Variants in C12orf60 observed in about 807,000 individuals in gnomAD.
The protein encoded by C12orf60 is chromosome 12 open reading frame 60.
For synonymous variants in C12orf60, 102 were observed against 94.6 expected (o/e 1.08, Z -0.45); for missense variants, 284 against 283.2 (o/e 1.00, Z -0.02).
In C12orf60 at chr12:14,823,318, A is replaced by G; in HGVS notation, c.383A>G (p.Asn128Ser). ...AHTPVIISVL[N>S]SSNILGSLES... ...ACGCCAGTCATCATCTCTGTGCTAA[A>G]CAGCAGTAACATCCTTGGGAGTCTG... Residue 128 changes from asparagine (N) to serine (S), a missense_variant, in exon 2 of 2, where the codon AAC (asparagine) becomes AGC (serine). Physicochemically the swap from Asn to Ser is conservative, Grantham distance 46. Transcript: ENST00000330828. 2.5e-6 allele frequency: 4 copies of G among 1,614,140 alleles called. No homozygotes were observed. Among genetic ancestry groups the G allele is most frequent in the Non-Finnish European group, 1.7e-6 (2 of 1,180,022 alleles).
chr12:14,822,824 A>T (rs555865814), intron 1 of C12orf60, 88 bp from the exon 2 acceptor site: 261 of 1,151,092 alleles, frequency 2.3e-4, no homozygotes, highest in Non-Finnish European at 2.5e-4. Flanking sequence ...AGGGGGAGTT[A>T]TCTTCATATT....
intron 1 of C12orf60, chr12:14,805,829 G>T (rs941050122): frequency 2.8e-6 from 2 of 702,886 alleles, no homozygotes; most frequent in African/African-American, 3.6e-5. Flanking sequence ...AGGCATTGTT[G>T]ACTCAAAACT....
In C12orf60 at chr12:14,823,350, T is replaced by C; in HGVS notation, c.415T>C (p.Ser139Pro). Residue 139 changes from serine to proline, a missense_variant, in exon 2 of 2, where the codon TCT (serine) becomes CCT (proline). By Grantham distance (74) the Ser-to-Pro change is moderately conservative. Coordinates refer to ENST00000330828, the MANE Select transcript of C12orf60 (RefSeq NM_175874.4). ...SSNILGSLES[S>P]LSHLMKFPIM... is the part of the protein sequence containing the mutation. Reference sequence around the variant, plus strand: ...TAACATCCTTGGGAGTCTGGAATCTTCTCTTTCACACTTGATGAAATTCCC... The same window carrying C: ...TAACATCCTTGGGAGTCTGGAATCTCCTCTTTCACACTTGATGAAATTCCC... The C allele has an allele frequency of 6.2e-7, 1 of 1,614,102 alleles. No homozygotes were observed. The highest frequency in any genetic ancestry group is 8.5e-7 in the Non-Finnish European group (1 of 1,180,006).
chr12:14,806,598 C>T lies in C12orf60; in HGVS notation c.-25+2847C>T, dbSNP rs1238144240. The T allele has an allele frequency of 9.3e-6, 15 of 1,614,030 alleles. No homozygotes were observed. The Admixed American group carries it at 1.2e-4, about 13-fold the overall frequency. On this transcript the variant is annotated intron_variant, in intron 1 of 1. Coordinates refer to ENST00000330828, the MANE Select transcript of C12orf60 (RefSeq NM_175874.4). ...GGTGACATCGAAGCTGTCAGATAAG[C>T]AATCAAGAAGCTGCTGGTGAAGACG...
chr12:14,803,756 G>T lies in C12orf60; in HGVS notation c.-25+5G>T, dbSNP rs1950002957. The T allele has an allele frequency of 2.8e-6, 1 of 357,086 alleles. No homozygotes were observed. Among genetic ancestry groups the T allele is most frequent in the Non-Finnish European group, 5.0e-6 (1 of 200,370 alleles). 22.1% of individuals were successfully genotyped at this position (357,086 alleles called of 1,614,324 possible). On this transcript the variant is annotated splice_donor_5th_base_variant and intron_variant, in intron 1 of 1. Coordinates refer to ENST00000330828, the MANE Select transcript of C12orf60 (RefSeq NM_175874.4). The stretch of plus-strand genomic sequence containing the variant: ...GACTTAGTTGCTGGGAGCCTGGTAC[G>T]TTGAGCCGTCCGAGAACGGTACATT...
intron 1 of C12orf60, among the ~76,000 whole-genome samples, chr12:14,821,169 A>C (rs758291713): frequency 5.9e-5 from 9 of 152,098 alleles, no homozygotes; most frequent in Non-Finnish European, 1.2e-4. Flanking sequence ...TTTCCTTTTC[A>C]AGCCATCTTT....
chr12:14,816,787 C>T (rs1000225158), intron 1 of C12orf60, among the ~76,000 whole-genome samples: 1 of 151,166 alleles, frequency 6.6e-6, no homozygotes, highest in African/African-American at 2.4e-5. Context: ...CTCTGTCACC[C>T]AGGCTGGAGT....
rs752130031 is a variant in C12orf60, at chr12:14,823,122, A to G, written c.187A>G (p.Met63Val). Residue 63 changes from methionine to valine, a missense_variant, in exon 2 of 2, where the codon ATG becomes GTG. Transcript: ENST00000330828. The part of the protein sequence containing the change: ...NSYIKDFFEQ[M>V]LKIFKEMQSV... ...TTACATTAAGGATTTTTTTGAGCAA[A>G]TGCTCAAAATTTTTAAGGAGATGCA... 4.3e-6 allele frequency: 7 copies of G among 1,613,824 alleles called. No individual in the cohort carries two copies. The highest frequency in any genetic ancestry group is 5.9e-6 in the Non-Finnish European group (7 of 1,179,910).
At chr12:14,822,178 C>G (rs561961517) in intron 1 of C12orf60, among the ~76,000 whole-genome samples, 1 of 146,850 alleles carries the variant, frequency 6.8e-6, no homozygotes, top group Non-Finnish European at 1.5e-5. Flanking sequence ...GGGATCTGCC[C>G]GGCAGAGCCC....
intron 1 of C12orf60, among the ~76,000 whole-genome samples, chr12:14,807,497 TG>T (rs1950072022): frequency 6.6e-6 from 1 of 152,238 alleles, no homozygotes; most frequent in Admixed American, 6.5e-5. Context: ...TTTACAGGGC[TG>T]TTTTTTGTAT....
chr12:14,806,287 C>T (rs537655113), intron 1 of C12orf60: 19 of 1,614,192 alleles, frequency 1.2e-5, no homozygotes, highest in Admixed American at 1.2e-4. Context: ...AGTTTAACAG[C>T]GACTGCACTG....
At chr12:14,805,100 G>A (rs1273369923) in intron 1 of C12orf60, 1 of 145,088 alleles carries the variant, frequency 6.9e-6, no homozygotes, top group African/African-American at 2.6e-5. Flanking sequence ...GCGTCATGTA[G>A]CAAAGGCAGC....
chr12:14,819,374 A>G (rs930184737), intron 1 of C12orf60, among the ~76,000 whole-genome samples: 1 of 152,190 alleles, frequency 6.6e-6, no homozygotes, highest in Non-Finnish European at 1.5e-5. Context: ...CGATATTTGA[A>G]TGCTGACCTT....
At chr12:14,817,414 C>T (rs1950238895) in intron 1 of C12orf60, among the ~76,000 whole-genome samples, 1 of 152,100 alleles carries the variant, frequency 6.6e-6, no homozygotes, top group Admixed American at 6.5e-5. Flanking sequence ...AGGTTTGTTA[C>T]ACAGGTATAC....
chr12:14,820,187 T>C (rs1307344824), intron 1 of C12orf60, among the ~76,000 whole-genome samples: 1 of 152,068 alleles, frequency 6.6e-6, no homozygotes, highest in African/African-American at 2.4e-5. Flanking sequence ...GTTATCCTTT[T>C]TATATCTGTA....
At position 14,823,818 on chromosome 12, in the gene C12orf60, G is replaced by A. The variant is rs1377923539; in HGVS notation, c.*145G>A. ...AAGTCATCTGGCAAAACATTTACCTGTAGTTTTGCTTTATTAAAATAAAAA... is the reference window on the plus strand; with the variant it reads ...AAGTCATCTGGCAAAACATTTACCTATAGTTTTGCTTTATTAAAATAAAAA... On this transcript the variant is annotated 3_prime_UTR_variant, in exon 2 of 2. Transcript: ENST00000330828. The A allele has an allele frequency of 3.3e-6, 2 of 602,516 alleles. No homozygotes were observed. The highest frequency in any genetic ancestry group is 5.2e-6 in the Non-Finnish European group (2 of 387,944). 37.3% of individuals were successfully genotyped at this position (602,516 alleles called of 1,614,324 possible). A position where few individuals can be genotyped will look rare whatever the true frequency, so the allele number is the denominator to read the frequency against.
At chr12:14,807,181 A>G (rs1353830450) in intron 1 of C12orf60, among the ~76,000 whole-genome samples, 2 of 152,202 alleles carry the variant, frequency 1.3e-5, no homozygotes, top group African/African-American at 2.4e-5. Flanking sequence ...GAGTCAGTGT[A>G]TGGAAAGTGT....
intron 1 of C12orf60, among the ~76,000 whole-genome samples, chr12:14,809,439 G>T (rs1000222940): frequency 7.9e-5 from 12 of 151,932 alleles, no homozygotes; most frequent in African/African-American, 2.9e-4. Flanking sequence ...TAAACAGTAT[G>T]GTACAGGTAC....
Position 14,823,245 on chromosome 12 carries a change from G to T in C12orf60, c.310G>T (p.Val104Leu). 6.2e-7 allele frequency: 1 copy of T among 1,614,084 alleles called. No homozygotes were observed. The highest frequency in any genetic ancestry group is 1.7e-5 in the Admixed American group (1 of 60,020). The change falls in exon 2 of 2, where the codon GTA becomes TTA. Residue 104 changes from valine to leucine, a missense_variant. Coordinates refer to ENST00000330828, the MANE Select transcript of C12orf60 (RefSeq NM_175874.4). ...CTCTGTGGTTCAGAAGAGTACCAAT[G>T]TAGAGGAGTTGCATCAGTCAGCTAA... ...MCSVVQKSTNVEELHQSAKEV... is the reference protein window; with the variant it reads ...MCSVVQKSTNLEELHQSAKEV...
Sources: gnomAD v4.1 joint callset for allele counts (sites outside exome capture counted in the v4.1 genomes callset) on GRCh38, gnomAD v4.1.1 for gene constraint, MANE v1.5 for transcripts, NCBI Gene and HGNC (gene_info 2026-07-23, HGNC 2026-07-21) for gene names.